The following CYTH3 variants were observed in gnomAD, a reference collection of about 807,000 sequenced individuals.
The protein encoded by CYTH3 is cytohesin 3, also known as cytohesin-3.
A neutral mutation model predicts 55.1 loss-of-function variants in CYTH3; 23 were observed. The observed-to-expected ratio is 0.42, with a 90% confidence interval of 0.30 to 0.59. CYTH3 has a LOEUF of 0.59. Among genes scored for constraint, CYTH3 ranks in the 20% least tolerant of loss-of-function variants. The probability of loss-of-function intolerance (pLI) is 0.20; values close to 1 mark genes in which losing one functional copy is unlikely to be tolerated. For missense variants in CYTH3, 413 were observed against 524.8 expected (o/e 0.79, Z 2.08); for synonymous variants, 249 against 194.9 (o/e 1.28, Z -2.31).
intron 1 of CYTH3, among the ~76,000 whole-genome samples, chr7:6,197,041 G>A (rs1783951194): frequency 6.6e-6 from 1 of 152,154 alleles, no homozygotes; most frequent in Non-Finnish European, 1.5e-5. Flanking sequence ...AGCAGGGTTG[G>A]TTGTTAACAC....
intron 1 of CYTH3, among the ~76,000 whole-genome samples, chr7:6,237,813 GACT>G (rs1366547066): frequency 9.2e-5 from 14 of 152,158 alleles, no homozygotes; most frequent in African/African-American, 3.1e-4. Context: ...ACAGAAACTT[GACT>G]ACTACTTGTA....
At chr7:6,268,617 G>C (rs1780571487) in intron 1 of CYTH3, among the ~76,000 whole-genome samples, 1 of 152,112 alleles carries the variant, frequency 6.6e-6, no homozygotes, top group Non-Finnish European at 1.5e-5. Context: ...GGACACTCAA[G>C]GCAATAAATA....
At chr7:6,220,062 T>C (rs1225051314) in intron 1 of CYTH3, among the ~76,000 whole-genome samples, 3 of 140,456 alleles carry the variant, frequency 2.1e-5, no homozygotes, top group African/African-American at 8.2e-5. Context: ...AATTTTTGTA[T>C]TTTTTTTTTG....
intron 1 of CYTH3, among the ~76,000 whole-genome samples, chr7:6,193,339 T>C (rs1318451680): frequency 5.4e-5 from 8 of 147,906 alleles, no homozygotes; most frequent in Non-Finnish European, 1.0e-4. Context: ...ATCGTGCCAC[T>C]GCACTCTAGC....
intron 1 of CYTH3, among the ~76,000 whole-genome samples, chr7:6,233,570 C>A (rs570914341): frequency 6.6e-6 from 1 of 150,972 alleles, no homozygotes; most frequent in East Asian, 1.9e-4. Flanking sequence ...GCAGGAGAAT[C>A]GCTTGAACCC....
At chr7:6,181,966 C>T (rs1783514603) in intron 4 of CYTH3, among the ~76,000 whole-genome samples, 2 of 152,198 alleles carry the variant, frequency 1.3e-5, no homozygotes, top group African/African-American at 4.8e-5. Context: ...TATCGTATCT[C>T]TTTGATGATA....
chr7:6,259,795 ATATAT>A (rs1404541971), intron 1 of CYTH3, among the ~76,000 whole-genome samples: 2 of 14,622 alleles, frequency 1.4e-4, no homozygotes, highest in African/African-American at 1.2e-3. Flanking sequence ...ATATATATAT[ATATAT>A]ATATATATAT....
chr7:6,207,537 G>T (rs529877416), intron 1 of CYTH3, among the ~76,000 whole-genome samples: 11 of 152,248 alleles, frequency 7.2e-5, no homozygotes, highest in African/African-American at 2.6e-4. Flanking sequence ...AGCCAAGGGG[G>T]TTGGATCACT....
At chr7:6,200,867 C>T (rs1379445067) in intron 1 of CYTH3, among the ~76,000 whole-genome samples, 4 of 152,184 alleles carry the variant, frequency 2.6e-5, no homozygotes, top group East Asian at 1.9e-4. Context: ...GTGATCCTCC[C>T]GCCTCAGCCT....
At chr7:6,231,389 G>A (rs544385004) in intron 1 of CYTH3, among the ~76,000 whole-genome samples, 14 of 152,216 alleles carry the variant, frequency 9.2e-5, no homozygotes, top group Non-Finnish European at 2.1e-4. Context: ...AAAGAGCCCT[G>A]CAGGAGGGCA....
intron 1 of CYTH3, among the ~76,000 whole-genome samples, chr7:6,203,055 A>C (rs973796176): frequency 6.6e-6 from 1 of 152,220 alleles, no homozygotes; most frequent in Non-Finnish European, 1.5e-5. Context: ...AAATAGACTA[A>C]AGCTATGAGT....
chr7:6,247,220 C>T (rs1779842765), intron 1 of CYTH3, among the ~76,000 whole-genome samples: 1 of 152,110 alleles, frequency 6.6e-6, no homozygotes, highest in South Asian at 2.1e-4. Flanking sequence ...AACCTTTTTT[C>T]CCTTAAAACT....
At chr7:6,203,099 A>G (rs1467247988) in intron 1 of CYTH3, among the ~76,000 whole-genome samples, 3 of 152,206 alleles carry the variant, frequency 2.0e-5, no homozygotes, top group Admixed American at 6.5e-5. Context: ...AGTTATTCAC[A>G]AAGTCAGAAT....
At chr7:6,264,190 T>C (rs1271354573) in intron 1 of CYTH3, among the ~76,000 whole-genome samples, 2 of 151,786 alleles carry the variant, frequency 1.3e-5, no homozygotes, top group African/African-American at 2.4e-5. Flanking sequence ...GAGGTTGCAG[T>C]GAGCCAAGAT....
chr7:6,253,604 T>C (rs1195603549), intron 1 of CYTH3, among the ~76,000 whole-genome samples: 1 of 151,554 alleles, frequency 6.6e-6, no homozygotes. Flanking sequence ...GATCACAAGG[T>C]CAGGAGTTTG....
At chr7:6,232,528 T>G (rs1251315585) in intron 1 of CYTH3, among the ~76,000 whole-genome samples, 5 of 152,094 alleles carry the variant, frequency 3.3e-5, no homozygotes, top group African/African-American at 1.2e-4. Flanking sequence ...CCTCCTGTTG[T>G]GAACCTGGCC....
In CYTH3 at chr7:6,169,228, T is replaced by G. The variant is rs1049954822; in HGVS notation, c.823+1307A>C. Among the ~76,000 whole-genome samples, 2 of 152,164 alleles carry G rather than the reference T, an allele frequency of 1.3e-5. No homozygotes were observed. The highest frequency in any genetic ancestry group is 4.8e-5 in the African/African-American group (2 of 41,432). ...CACCGTGTCTCACCCTTCCTTGATG[T>G]TTATTTTTTTGAGACGAGGTCTCAC... On this transcript the variant is annotated intron_variant, in intron 9 of 12. Transcript: ENST00000350796. This position sits in a 1 kb window ranked among gnomAD's most constrained non-coding sequence, Gnocchi z 4.1.
At chr7:6,213,073 C>T (rs1444638449) in intron 1 of CYTH3, among the ~76,000 whole-genome samples, 5 of 152,164 alleles carry the variant, frequency 3.3e-5, no homozygotes, top group Non-Finnish European at 2.9e-5. Context: ...TAGTTTATGT[C>T]TCCTCCTATA....
intron 4 of CYTH3, among the ~76,000 whole-genome samples, chr7:6,179,885 AC>A (rs1165089582): frequency 8.4e-6 from 1 of 118,850 alleles, no homozygotes; most frequent in African/African-American, 3.7e-5. Context: ...CACCACACAC[AC>A]CACACACACC....
Sources: gnomAD v4.1 joint callset for allele counts (sites outside exome capture counted in the v4.1 genomes callset) on GRCh38, gnomAD v4.1.1 for gene constraint, Gnocchi (gnomAD v3.1) non-coding constraint, MANE v1.5 for transcripts, NCBI Gene and HGNC (gene_info 2026-07-23, HGNC 2026-07-21) for gene names.